Variants in ERBB4 observed in about 807,000 individuals in gnomAD.
ERBB4 encodes the protein receptor tyrosine-protein kinase erbB-4.
A neutral mutation model predicts 158.0 loss-of-function variants in ERBB4; 42 were observed. That is an observed-to-expected ratio of 0.27 (90% CI 0.21 to 0.34). The LOEUF (loss-of-function observed/expected upper bound fraction) is 0.34, where lower values mean the gene tolerates loss of function less well. ERBB4 is among the 10% of genes least tolerant of loss of function. The probability of loss-of-function intolerance (pLI) is 1.00; values close to 1 mark genes in which losing one functional copy is unlikely to be tolerated. For missense variants in ERBB4, 1,333 were observed against 1,624.1 expected (o/e 0.82, Z 3.08); for synonymous variants, 583 against 558.7 (o/e 1.04, Z -0.61).
chr2:212,077,282 T>C (rs1224015975), intron 2 of ERBB4, among the ~76,000 whole-genome samples: 1 of 152,006 alleles, frequency 6.6e-6, no homozygotes, highest in Non-Finnish European at 1.5e-5. Context: ...AGTTCATAGA[T>C]ACATATCTTA....
intron 25 of ERBB4, among the ~76,000 whole-genome samples, chr2:211,409,986 C>T (rs555271436): frequency 1.1e-3 from 163 of 152,280 alleles, no homozygotes; most frequent in Non-Finnish European, 1.9e-3. Context: ...CAAGTCACTT[C>T]ACTCAGAGTT....
rs182016771 is a variant in ERBB4 at position 212,142,576 on chromosome 2, A to G, written c.83-17673T>C. ...CTCAGAAAAGGTCAAACAGTTAAAT[A>G]AAGGACACATTATATATATATATAT... On this transcript the variant is annotated intron_variant, in intron 1 of 27. Coordinates refer to ENST00000342788, the MANE Select transcript of ERBB4 (RefSeq NM_005235.3). Among the ~76,000 whole-genome samples, 982 of 148,182 alleles carry G rather than the reference A, an allele frequency of 6.6e-3. 8 individuals carry two copies. Among genetic ancestry groups the G allele is most frequent in the Middle Eastern group, 0.021 (6 of 280 alleles).
intron 2 of ERBB4, among the ~76,000 whole-genome samples, chr2:212,060,669 A>ATGAATC (rs1475608806): frequency 6.7e-6 from 1 of 148,452 alleles, no homozygotes; most frequent in Non-Finnish European, 1.5e-5. Flanking sequence ...AGGGACATGG[A>ATGAATC]TGAATCTGGA....
chr2:211,384,199 A>G, intron 27 of ERBB4, 139 bp from the exon 28 acceptor site: 1 of 665,138 alleles, frequency 1.5e-6, no homozygotes, highest in Non-Finnish European at 2.6e-6. Context: ...CACAACAAGT[A>G]TTTGTGGATC....
chr2:212,109,208 G>A (rs557631607), intron 2 of ERBB4, among the ~76,000 whole-genome samples: 103 of 152,108 alleles, frequency 6.8e-4, no homozygotes, highest in Middle Eastern at 3.4e-3. Context: ...CCAATGGCCC[G>A]GTTCCTAGAA....
intron 25 of ERBB4, 130 bp from the exon 26 acceptor site, chr2:211,388,122 AAGCTTCCTAAGC>A: frequency 1.4e-6 from 1 of 723,342 alleles, no homozygotes; most frequent in Non-Finnish European, 2.5e-6. Context: ...CACAACAGTG[AAGCTTCCTAAGC>A]AGCACAATTG....
At chr2:211,727,395 T>C (rs1003806200) in intron 5 of ERBB4, among the ~76,000 whole-genome samples, 2 of 152,150 alleles carry the variant, frequency 1.3e-5, no homozygotes, top group African/African-American at 4.8e-5. Context: ...TTGAAGTTTA[T>C]TGTCTTACTT....
At chr2:212,256,354 A>G (rs1384339214) in intron 1 of ERBB4, among the ~76,000 whole-genome samples, 1 of 152,132 alleles carries the variant, frequency 6.6e-6, no homozygotes, top group Non-Finnish European at 1.5e-5. Context: ...TTGCCTTATC[A>G]TCGTCATCAT....
intron 3 of ERBB4, among the ~76,000 whole-genome samples, chr2:211,819,637 A>T (rs1223236395): frequency 6.6e-6 from 1 of 151,984 alleles, no homozygotes. Context: ...GGGCACTTTC[A>T]CAAAGGTCTC....
At chr2:211,650,237 G>C (rs2070933949) in intron 16 of ERBB4, among the ~76,000 whole-genome samples, 1 of 151,876 alleles carries the variant, frequency 6.6e-6, no homozygotes, top group African/African-American at 2.4e-5. Flanking sequence ...CAGAAACTTT[G>C]ATCTCTACTT....
intron 1 of ERBB4, among the ~76,000 whole-genome samples, chr2:212,222,822 C>T (rs1426784403): frequency 6.6e-6 from 1 of 151,484 alleles, no homozygotes; most frequent in Non-Finnish European, 1.5e-5. Context: ...CCCATACATA[C>T]CAGACTGTAA....
chr2:211,992,565 G>GGAAAA lies in ERBB4; in HGVS notation c.235-44950_235-44949insTTTTC, dbSNP rs56400627. 7.3e-5 allele frequency among the ~76,000 whole-genome samples: 9 copies of GGAAAA among 122,588 alleles called. 2 individuals are homozygous for GGAAAA. Among genetic ancestry groups the GGAAAA allele is most frequent in the Non-Finnish European group, 5.1e-5 (3 of 58,608 alleles). 80.4% of individuals were successfully genotyped at this position (122,588 alleles called of 152,430 possible). On this transcript the variant is annotated intron_variant, in intron 2 of 27. Coordinates refer to ENST00000342788, the MANE Select transcript of ERBB4 (RefSeq NM_005235.3). ...ACAGTGAGAGAGAGAGAGAGAGAGA[G>GGAAAA]AGAAAAAAAAAAAAAACATGAGTTT...
chr2:212,318,389 A>G (rs1441613090), intron 1 of ERBB4, among the ~76,000 whole-genome samples: 1 of 151,648 alleles, frequency 6.6e-6, no homozygotes, highest in Non-Finnish European at 1.5e-5. Context: ...CAATGAGGAA[A>G]GAACTTTTTC....
intron 20 of ERBB4, among the ~76,000 whole-genome samples, chr2:211,548,205 T>C (rs2066991710): frequency 6.6e-6 from 1 of 152,004 alleles, no homozygotes; most frequent in Non-Finnish European, 1.5e-5. Flanking sequence ...ATAAAAAGCA[T>C]AAAATTGTTT....
chr2:212,509,363 A>G (rs180850434), intron 1 of ERBB4, among the ~76,000 whole-genome samples: 68 of 152,188 alleles, frequency 4.5e-4, no homozygotes, highest in African/African-American at 1.6e-3. Flanking sequence ...GCTTTCGTAC[A>G]TAAGTGATAC....
At chr2:211,803,702 A>G (rs1237972510) in intron 3 of ERBB4, among the ~76,000 whole-genome samples, 2 of 152,228 alleles carry the variant, frequency 1.3e-5, no homozygotes, top group South Asian at 2.1e-4. Flanking sequence ...ACGTCTGTAG[A>G]TTACAGTCTT....
At chr2:212,360,625 A>G (rs958639247) in intron 1 of ERBB4, among the ~76,000 whole-genome samples, 7 of 151,644 alleles carry the variant, frequency 4.6e-5, no homozygotes, top group Admixed American at 2.0e-4. Context: ...GCTGATTTTT[A>G]TTAATGATTA....
chr2:212,091,847 T>C (rs1288287044), intron 2 of ERBB4, among the ~76,000 whole-genome samples: 2 of 152,224 alleles, frequency 1.3e-5, no homozygotes, highest in Non-Finnish European at 2.9e-5. Flanking sequence ...TTTTAAAACA[T>C]ATCTTTAAAG....
rs73071206 is a variant in ERBB4 at position 212,112,066 on chromosome 2, C to T, written c.234+12686G>A. On this transcript the variant is annotated intron_variant, in intron 2 of 27. Transcript: ENST00000342788. The stretch of plus-strand genomic sequence containing the variant: ...AGGATCTCTAAAAAACTTCTGTCAC[C>T]CAGGGTGGAGTGCAGTGGTACAATC... 3.5e-3 allele frequency among the ~76,000 whole-genome samples: 535 copies of T among 151,820 alleles called. 2 individuals carry two copies. The highest frequency in any genetic ancestry group is 0.012 in the African/African-American group (510 of 41,410).
Sources: gnomAD v4.1 joint callset for allele counts (sites outside exome capture counted in the v4.1 genomes callset) on GRCh38, gnomAD v4.1.1 for gene constraint, MANE v1.5 for transcripts, NCBI Gene and HGNC (gene_info 2026-07-23, HGNC 2026-07-21) for gene names.